YPEL1: variants seen among roughly 807,000 people sequenced by gnomAD.
YPEL1 encodes the protein protein yippee-like 1.
A neutral mutation model predicts 17.3 loss-of-function variants in YPEL1; 7 were observed. That is an observed-to-expected ratio of 0.40 (90% CI 0.23 to 0.76). YPEL1 has a LOEUF of 0.76. Among genes scored for constraint, YPEL1 ranks in the 30% least tolerant of loss-of-function variants. YPEL1 has a pLI of 0.35. For missense variants in YPEL1, 91 were observed against 155.5 expected, an observed-to-expected ratio of 0.59 and a Z score of 2.21; for synonymous variants, 59 against 59.6, an observed-to-expected ratio of 0.99 and a Z score of 0.05.
At chr22:21,702,646 G>C (rs1384167856) in intron 4 of YPEL1, among the ~76,000 whole-genome samples, 1 of 152,162 alleles carries the variant, frequency 6.6e-6, no homozygotes, top group Non-Finnish European at 1.5e-5. Flanking sequence ...AACAACTGGG[G>C]AAGGCATGGG....
At chr22:21,730,758 T>C (rs1485880009) in intron 1 of YPEL1, among the ~76,000 whole-genome samples, 4 of 152,160 alleles carry the variant, frequency 2.6e-5, no homozygotes, top group African/African-American at 4.8e-5. Context: ...TCAAACCACC[T>C]ATATGGCTGC....
chr22:21,735,274 G>A (rs2068425160), intron 1 of YPEL1, among the ~76,000 whole-genome samples: 1 of 151,802 alleles, frequency 6.6e-6, no homozygotes. Flanking sequence ...AGTTGAGGCT[G>A]TATTTTTTAA....
intron 2 of YPEL1, chr22:21,704,085 C>CA: frequency 1.4e-6 from 1 of 723,254 alleles, no homozygotes; most frequent in Non-Finnish European, 2.6e-6. Flanking sequence ...TCATTGTAGA[C>CA]AGGAGTGGCT....
chr22:21,735,078 G>A (rs146114582), intron 1 of YPEL1, among the ~76,000 whole-genome samples: 1 of 152,218 alleles, frequency 6.6e-6, no homozygotes, highest in Non-Finnish European at 1.5e-5. Context: ...CATGGGGGAG[G>A]CGGACCCTGT....
rs1242754708 is a variant in YPEL1 at position 21,698,451 on chromosome 22, C to T, written c.*2678G>A. 1 of 152,286 alleles carries T rather than the reference C, an allele frequency of 6.6e-6. No individual in the cohort carries two copies. The highest frequency in any genetic ancestry group is 1.9e-4 in the East Asian group (1 of 5,330). The allele number at this position is 152,286 out of a possible 1,614,324, so 9.4% of individuals were successfully genotyped here. The stretch of plus-strand genomic sequence containing the variant: ...CTCGGTAGAGTTTTAGAAGTTTCTT[C>T]CATGTAAGTGAAGCATCTTGAGTCA... On this transcript the variant is annotated 3_prime_UTR_variant, in exon 5 of 5. Transcript: ENST00000339468.
At chr22:21,721,675 TGGCC>T (rs780432321) in intron 1 of YPEL1, among the ~76,000 whole-genome samples, 5 of 152,084 alleles carry the variant, frequency 3.3e-5, no homozygotes, top group Non-Finnish European at 7.4e-5. Flanking sequence ...CCACCTGCTT[TGGCC>T]TTCCAAAGGG....
intron 1 of YPEL1, among the ~76,000 whole-genome samples, chr22:21,721,430 T>C (rs1375085089): frequency 4.3e-4 from 3 of 6,906 alleles, no homozygotes; most frequent in Non-Finnish European, 2.4e-3. Context: ...TTTTTCTTTT[T>C]TTTTTTTTTT....
chr22:21,732,249 CTCTATG>C (rs2068394969), intron 1 of YPEL1, among the ~76,000 whole-genome samples: 2 of 152,178 alleles, frequency 1.3e-5, no homozygotes. Flanking sequence ...ACCCTTAGCC[CTCTATG>C]TCTTGGCTAT....
intron 4 of YPEL1, 104 bp from the exon 5 acceptor site, chr22:21,701,322 A>C: frequency 1.2e-6 from 1 of 816,906 alleles, no homozygotes; most frequent in Non-Finnish European, 2.0e-6. Context: ...TGAACTATAT[A>C]CCCAGATGTT....
At chr22:21,714,046 G>GC (rs1221063426) in intron 1 of YPEL1, among the ~76,000 whole-genome samples, 3 of 131,164 alleles carry the variant, frequency 2.3e-5, no homozygotes, top group African/African-American at 9.2e-5. Flanking sequence ...ACCCCCCACC[G>GC]CCCCCCACCC....
intron 1 of YPEL1, among the ~76,000 whole-genome samples, chr22:21,723,559 G>C (rs567073380): frequency 7.2e-5 from 11 of 152,142 alleles, no homozygotes; most frequent in African/African-American, 2.7e-4. Flanking sequence ...GGAGAGACAG[G>C]GTTTTGCCAT....
intron 1 of YPEL1, among the ~76,000 whole-genome samples, chr22:21,724,817 C>G (rs1036199158): frequency 7.9e-5 from 12 of 151,986 alleles, no homozygotes; most frequent in Admixed American, 2.6e-4. Flanking sequence ...CTGGCTCGGG[C>G]CATCCACCCA....
In YPEL1 at chr22:21,728,789, C is replaced by T. The variant is rs138738604; in HGVS notation, c.-165+6826G>A. ...CTTTGGGAACCCAAGGTGGGTGCAT[C>T]GCTTGAGTCCAGGAGTTTGAGACCA... On this transcript the variant is annotated intron_variant, in intron 1 of 4. Coordinates refer to ENST00000339468, the MANE Select transcript of YPEL1 (RefSeq NM_013313.5). Among the ~76,000 whole-genome samples, 5 of 152,198 alleles carry T rather than the reference C, an allele frequency of 3.3e-5. No homozygotes were observed. The South Asian group carries it at 1.0e-3, about 32-fold the overall frequency.
At chr22:21,725,194 C>CCA (rs2068322977) in intron 1 of YPEL1, among the ~76,000 whole-genome samples, 1 of 151,688 alleles carries the variant, frequency 6.6e-6, no homozygotes, top group Admixed American at 6.6e-5. Context: ...CAGGCATGAG[C>CCA]CACCATACCT....
chr22:21,718,497 G>A (rs34662523), intron 1 of YPEL1, among the ~76,000 whole-genome samples: 3 of 151,436 alleles, frequency 2.0e-5, no homozygotes, highest in African/African-American at 4.8e-5. Context: ...ATAAATAAAA[G>A]AAAAAAGACT....
At chr22:21,722,565 C>T (rs546606163) in intron 1 of YPEL1, among the ~76,000 whole-genome samples, 4 of 151,672 alleles carry the variant, frequency 2.6e-5, no homozygotes, top group South Asian at 2.1e-4. Context: ...TGCAGTGAGC[C>T]GACATCGTGC....
intron 1 of YPEL1, among the ~76,000 whole-genome samples, chr22:21,723,915 C>T (rs1251225994): frequency 1.3e-5 from 2 of 152,148 alleles, no homozygotes; most frequent in Non-Finnish European, 2.9e-5. Context: ...GATCCACCCG[C>T]CTTGGCCTCC....
At position 21,697,803 on chromosome 22, in the gene YPEL1, T is replaced by C. The variant is rs1411582381; in HGVS notation, c.*3326A>G. 1 of 152,326 alleles carries C rather than the reference T, an allele frequency of 6.6e-6. No homozygotes were observed. The highest frequency in any genetic ancestry group is 1.5e-5 in the Non-Finnish European group (1 of 68,018). The allele number at this position is 152,326 out of a possible 1,614,324, so 9.4% of individuals were successfully genotyped here. A position where few individuals can be genotyped will look rare whatever the true frequency, so the allele number is the denominator to read the frequency against. ...CAAATGAAGGTTTACATTTCTGTAG[T>C]TTGTTTGTTTTAGAGCTTAATTTGT... On this transcript the variant is annotated 3_prime_UTR_variant, in exon 5 of 5. Coordinates refer to ENST00000339468, the MANE Select transcript of YPEL1 (RefSeq NM_013313.5).
In YPEL1 at chr22:21,698,408, T is replaced by C. The variant is rs192020136; in HGVS notation, c.*2721A>G. The C allele has an allele frequency of 6.6e-6, 1 of 152,410 alleles. No homozygotes were observed. Among genetic ancestry groups the C allele is most frequent in the East Asian group, 1.9e-4 (1 of 5,330 alleles). The allele number at this position is 152,410 out of a possible 1,614,324, so 9.4% of individuals were successfully genotyped here. On this transcript the variant is annotated 3_prime_UTR_variant, in exon 5 of 5. Transcript: ENST00000339468. Reference sequence around the variant, plus strand: ...AACAGAAAAGCTCTAAATAGAACTTTAGTATATACAAAAACCACTCGGTAG... The same window carrying C: ...AACAGAAAAGCTCTAAATAGAACTTCAGTATATACAAAAACCACTCGGTAG...
Sources: gnomAD v4.1 joint callset for allele counts (sites outside exome capture counted in the v4.1 genomes callset) on GRCh38, gnomAD v4.1.1 for gene constraint, MANE v1.5 for transcripts, NCBI Gene and HGNC (gene_info 2026-07-23, HGNC 2026-07-21) for gene names.